Variants in POSTN observed in about 807,000 individuals in gnomAD.
POSTN encodes periostin, also known as osteoblast specific factor 2 (fasciclin I-like).
In POSTN, 71 loss-of-function variants were observed where a neutral mutation model predicts 104.5. The ratio of observed to expected loss-of-function variants is 0.68; its 90% CI spans 0.56 to 0.83. POSTN has a LOEUF of 0.83. POSTN is among the 40% of genes least tolerant of loss of function. The pLI is 0.00. For synonymous variants in POSTN, 355 were observed against 340.7 expected (o/e 1.04, Z -0.46); for missense variants, 949 against 1,006.8 (o/e 0.94, Z 0.78).
chr13:37,567,041 C>T (rs1434719200), intron 21 of POSTN, among the ~76,000 whole-genome samples: 2 of 149,868 alleles, frequency 1.3e-5, no homozygotes, highest in African/African-American at 4.9e-5. Context: ...TCGAGACCAT[C>T]CCGGCTAAAA....
intron 22 of POSTN, 81 bp from the exon 23 acceptor site, chr13:37,563,451 T>C (rs1949989287): frequency 2.9e-5 from 23 of 780,962 alleles, no homozygotes; most frequent in Non-Finnish European, 3.2e-5. Flanking sequence ...TCTCTGTATA[T>C]CTATCAGAGG....
At chr13:37,567,844 A>C (rs975779353) in intron 21 of POSTN, among the ~76,000 whole-genome samples, 2 of 152,138 alleles carry the variant, frequency 1.3e-5, no homozygotes, top group African/African-American at 4.8e-5. Flanking sequence ...GATTTTTCAT[A>C]GTGGCCTCAA....
Position 37,569,789 on chromosome 13 carries a change from C to A in POSTN, c.2302G>T (p.Gly768Ter). 6.2e-7 allele frequency: 1 copy of A among 1,605,532 alleles called. No homozygotes were observed. Residue 768 changes from glycine to a stop codon, truncating the protein, a stop_gained, in exon 20 of 23, where the codon GGA becomes TGA. Coordinates refer to ENST00000379747, the MANE Select transcript of POSTN (RefSeq NM_006475.3). LOFTEE classifies it high-confidence loss of function. ...PEIKYTRISTGGGETEETLKK... is the reference protein window; with the variant it reads ...PEIKYTRIST The stretch of plus-strand genomic sequence containing the variant: ...AGAGTTTCTTCTGTTTCTCCACCTC[C>A]AGTAGAAATCCTAGTGTATTTTATT...
Position 37,586,197 on chromosome 13 carries a change from A to G in POSTN, c.837T>C (p.Phe279=), listed in dbSNP as rs746448025. Residue 279 remains phenylalanine (F), a synonymous_variant, in exon 7 of 23, where the codon TTT becomes TTC. Transcript: ENST00000379747. ...CTAGGACACCTCGTGGAAGTTTCTCAAAAGCCTCATTGGTGGGAGCAAAGA... is the reference window on the plus strand; with the variant it reads ...CTAGGACACCTCGTGGAAGTTTCTCGAAAGCCTCATTGGTGGGAGCAAAGA... The part of the protein sequence containing the change: ...FTLFAPTNEA[F]EKLPRGVLER... 10 of 1,613,534 alleles carry G rather than the reference A, an allele frequency of 6.2e-6. No individual in the cohort carries two copies. Among genetic ancestry groups the G allele is most frequent in the Non-Finnish European group, 8.5e-6 (10 of 1,179,610 alleles).
intron 16 of POSTN, among the ~76,000 whole-genome samples, chr13:37,577,330 A>G (rs1950438074): frequency 6.6e-6 from 1 of 152,142 alleles, no homozygotes; most frequent in Non-Finnish European, 1.5e-5. Flanking sequence ...GGTATTCTTC[A>G]ACACGTGCTT....
At chr13:37,564,655 T>C (rs1950037160) in intron 21 of POSTN, 95 bp from the exon 22 acceptor site, 1 of 622,434 alleles carries the variant, frequency 1.6e-6, no homozygotes, top group Non-Finnish European at 2.9e-6. Context: ...AAGTCTTAAA[T>C]AAGTATCACT....
In POSTN at chr13:37,583,990, G is replaced by T; in HGVS notation, c.1222C>A (p.Pro408Thr). 6.2e-7 allele frequency: 1 copy of T among 1,613,676 alleles called. No individual in the cohort carries two copies. Among genetic ancestry groups the T allele is most frequent in the Non-Finnish European group, 8.5e-7 (1 of 1,179,832 alleles). ...ATACCAGAAAATGCATTATTCACAGGTGCCAGCAAAGTGTATTCTCCATCT... is the reference window on the plus strand; with the variant it reads ...ATACCAGAAAATGCATTATTCACAGTTGCCAGCAAAGTGTATTCTCCATCT... ...RPDGEYTLLA[P>T]VNNAFSDDTL... Residue 408 changes from proline to threonine, a missense_variant, in exon 9 of 23, where the codon CCT becomes ACT. Transcript: ENST00000379747.
In POSTN at chr13:37,578,865, T is replaced by A; in HGVS notation, c.1941A>T (p.Leu647Phe). ...NDQLLEILNKLIKYIQIKFVR... is the reference protein window; with the variant it reads ...NDQLLEILNKFIKYIQIKFVR... ...GTACCTTAATTTGGATGTATTTGAT[T>A]AATTTATTAAGTATTTCCAGCAGTT... Residue 647 changes from leucine to phenylalanine, a missense_variant, in exon 15 of 23, where the codon TTA becomes TTT. By Grantham distance (22) the Leu-to-Phe change is conservative. Transcript: ENST00000379747. The A allele has an allele frequency of 6.3e-7, 1 of 1,585,302 alleles. No individual in the cohort carries two copies. The highest frequency in any genetic ancestry group is 2.2e-5 in the East Asian group (1 of 44,538).
At position 37,576,559 on chromosome 13, in the gene POSTN, G is replaced by A. The variant is rs115614247; in HGVS notation, c.2008+1194C>T. 3.0e-3 allele frequency among the ~76,000 whole-genome samples: 450 copies of A among 151,906 alleles called. 1 individual carries two copies. Among genetic ancestry groups the A allele is most frequent in the African/African-American group, 0.011 (437 of 41,420 alleles). On this transcript the variant is annotated intron_variant, in intron 16 of 22. Transcript: ENST00000379747. Reference sequence around the variant, plus strand: ...ATATAGAAAGTAGTGAAACTAAGATGGATAAAGAAGGGAAGCTAAAGAAAT... The same window carrying A: ...ATATAGAAAGTAGTGAAACTAAGATAGATAAAGAAGGGAAGCTAAAGAAAT...
In POSTN at chr13:37,584,759, A is replaced by G. The variant is rs779707551; in HGVS notation, c.1065T>C (p.Asn355=). The part of the protein sequence containing the change: ...MVNKKDIVTN[N]GVIHLIDQVL... The stretch of plus-strand genomic sequence containing the variant: ...CCTGATCAATCAAATGGATCACACC[A>G]TTATTTGTCACAATATCCTTTTTGT... Residue 355 remains asparagine (N), a synonymous_variant, in exon 8 of 23, where the codon AAT becomes AAC. Transcript: ENST00000379747. The G allele has an allele frequency of 5.6e-6, 9 of 1,613,796 alleles. No homozygotes were observed. Among genetic ancestry groups the G allele is most frequent in the Non-Finnish European group, 7.6e-6 (9 of 1,179,904 alleles).
In POSTN at chr13:37,578,395, A is replaced by AAAC. The variant is rs560697174; in HGVS notation, c.1962+446_1962+448dup. ...CTTTACAGGTGGGTCAGTGGTACAT[A>AAAC]AACAACAAAGAGTAATCCAAGCCCA... On this transcript the variant is annotated intron_variant, in intron 15 of 22. Transcript: ENST00000379747. Among the ~76,000 whole-genome samples, 1,291 of 152,334 alleles carry AAAC rather than the reference A, an allele frequency of 8.5e-3. 6 individuals carry two copies. Among genetic ancestry groups the AAAC allele is most frequent in the Middle Eastern group, 0.037 (11 of 294 alleles).
chr13:37,570,258 T>C (rs1358146287), intron 19 of POSTN, among the ~76,000 whole-genome samples: 2 of 151,774 alleles, frequency 1.3e-5, no homozygotes, highest in East Asian at 3.9e-4. Flanking sequence ...AATGAGGAAA[T>C]GGCTTTTCTT....
intron 4 of POSTN, among the ~76,000 whole-genome samples, chr13:37,588,195 T>C (rs1253285136): frequency 6.6e-6 from 1 of 152,138 alleles, no homozygotes; most frequent in Non-Finnish European, 1.5e-5. Context: ...CTGAATGTGA[T>C]ACAGTACTTA....
intron 16 of POSTN, among the ~76,000 whole-genome samples, chr13:37,576,659 G>A (rs1173017793): frequency 1.3e-5 from 2 of 152,064 alleles, no homozygotes; most frequent in African/African-American, 2.4e-5. Flanking sequence ...GACATAACAT[G>A]TCTGATGAAT....
At chr13:37,580,435 G>A in intron 11 of POSTN, 126 bp downstream of exon 11, 1 of 1,073,888 alleles carries the variant, frequency 9.3e-7, no homozygotes, top group Non-Finnish European at 1.4e-6. Flanking sequence ...ACACTTGTAT[G>A]AACATTTTAT....
chr13:37,572,575 A>G (rs1950292474), intron 17 of POSTN, among the ~76,000 whole-genome samples: 1 of 151,632 alleles, frequency 6.6e-6, no homozygotes, highest in South Asian at 2.1e-4. Flanking sequence ...GAAATTTTGG[A>G]AACATCCTTT....
chr13:37,577,109 A>G (rs1950432242), intron 16 of POSTN, among the ~76,000 whole-genome samples: 1 of 152,216 alleles, frequency 6.6e-6, no homozygotes, highest in Non-Finnish European at 1.5e-5. Flanking sequence ...AAAAGCCATG[A>G]TGGAAAAGAT....
chr13:37,574,133 A>G (rs1950334693), intron 17 of POSTN, among the ~76,000 whole-genome samples: 1 of 151,422 alleles, frequency 6.6e-6, no homozygotes, highest in Non-Finnish European at 1.5e-5. Context: ...CTTCTATGCT[A>G]TCTTATGTTA....
intron 7 of POSTN, among the ~76,000 whole-genome samples, chr13:37,585,270 A>T (rs1316222208): frequency 1.3e-5 from 2 of 152,154 alleles, no homozygotes; most frequent in Non-Finnish European, 2.9e-5. Flanking sequence ...TGACTGGCAC[A>T]AGGGCTCACA....
Sources: gnomAD v4.1 joint callset for allele counts (sites outside exome capture counted in the v4.1 genomes callset) on GRCh38, gnomAD v4.1.1 for gene constraint, MANE v1.5 for transcripts, NCBI Gene and HGNC (gene_info 2026-07-23, HGNC 2026-07-21) for gene names.